DOCK7: variants seen among roughly 807,000 people sequenced by gnomAD.
DOCK7 encodes the protein dedicator of cytokinesis protein 7.
DOCK7 carries 138 observed loss-of-function variants against 271.0 expected under a neutral mutation model. That is an observed-to-expected ratio of 0.51 (90% CI 0.44 to 0.59). The LOEUF is 0.59. Ranked by LOEUF, DOCK7 falls within the 20% of genes least tolerant of loss-of-function variation. The pLI is 0.00. For missense variants in DOCK7, 2,066 were observed against 2,592.4 expected, an observed-to-expected ratio of 0.80 and a Z score of 4.41; for synonymous variants, 823 against 876.1, an observed-to-expected ratio of 0.94 and a Z score of 1.07.
chr1:62,607,948 G>A (rs1651238474), intron 14 of DOCK7: 1 of 152,258 alleles, frequency 6.6e-6, no homozygotes, highest in Non-Finnish European at 1.5e-5. Context: ...TGGGTGTGGT[G>A]GCAGGTGCCT....
At chr1:62,551,500 A>C (rs1645904551) in intron 22 of DOCK7, among the ~76,000 whole-genome samples, 1 of 152,210 alleles carries the variant, frequency 6.6e-6, no homozygotes, top group Admixed American at 6.5e-5. Flanking sequence ...ACCATGACTG[A>C]GGTGGAGTGG....
chr1:62,572,001 T>A (rs1222477296), intron 18 of DOCK7, among the ~76,000 whole-genome samples: 1 of 152,208 alleles, frequency 6.6e-6, no homozygotes, highest in Non-Finnish European at 1.5e-5. Flanking sequence ...CAAATCACCA[T>A]GGCACATGTT....
intron 1 of DOCK7, among the ~76,000 whole-genome samples, chr1:62,672,826 A>G (rs1211603338): frequency 4.6e-5 from 7 of 152,168 alleles, no homozygotes; most frequent in Admixed American, 4.6e-4. Context: ...AAGCTCCTAA[A>G]GCTTTCCATG....
chr1:62,612,959 T>C (rs564462610), intron 14 of DOCK7, among the ~76,000 whole-genome samples: 3 of 152,350 alleles, frequency 2.0e-5, no homozygotes, highest in Non-Finnish European at 4.4e-5. Context: ...TCTGTGGACA[T>C]ACCTCTTAAA....
At chr1:62,604,834 A>C in intron 14 of DOCK7, 1 of 1,608,916 alleles carries the variant, frequency 6.2e-7, no homozygotes, top group Non-Finnish European at 8.5e-7. Context: ...GCAAATTTAA[A>C]AGGCAATAAT....
At chr1:62,601,380 C>T (rs1243053890) in intron 14 of DOCK7, among the ~76,000 whole-genome samples, 1 of 151,480 alleles carries the variant, frequency 6.6e-6, no homozygotes, top group Non-Finnish European at 1.5e-5. Context: ...CAGAGAAATA[C>T]AAATATGGAC....
At chr1:62,641,120 G>C (rs1655968871) in intron 7 of DOCK7, 2 of 286,452 alleles carry the variant, frequency 7.0e-6, no homozygotes, top group Non-Finnish European at 1.4e-5. Context: ...ATTGGACTCA[G>C]ACCAGGAGTC....
intron 48 of DOCK7, among the ~76,000 whole-genome samples, chr1:62,463,698 TGTTAAA>T (rs1053005562): frequency 2.9e-5 from 4 of 137,048 alleles, no homozygotes; most frequent in Non-Finnish European, 4.9e-5. Context: ...TTGTATACAC[TGTTAAA>T]GTTAAAAAAA....
rs1231680048 is a variant in DOCK7 at position 62,586,585 on chromosome 1, G to A, written c.1722C>T (p.Ala574=). The A allele has an allele frequency of 1.2e-6, 2 of 1,612,680 alleles. No individual in the cohort carries two copies. The highest frequency in any genetic ancestry group is 2.2e-5 in the East Asian group (1 of 44,770). ...TATTTCTAGCAGAACCTTGACGATTGGCAAAATTAAGACTCTGAGGGTATA... is the reference window on the plus strand; with the variant it reads ...TATTTCTAGCAGAACCTTGACGATTAGCAAAATTAAGACTCTGAGGGTATA... ...LYIYPQSLNF[A]NRQGSARNIT... is the part of the protein sequence containing the mutation. Residue 574 remains alanine, a synonymous_variant, in exon 15 of 50, where the codon GCC becomes GCT. Transcript: ENST00000635253.
intron 14 of DOCK7, chr1:62,604,994 T>C: frequency 3.2e-6 from 2 of 626,840 alleles, no homozygotes; most frequent in South Asian, 2.3e-5. Context: ...AGAATACCGT[T>C]TACATTTCTC....
chr1:62,625,625 A>G (rs1653851724), intron 11 of DOCK7, among the ~76,000 whole-genome samples: 1 of 152,184 alleles, frequency 6.6e-6, no homozygotes, highest in Non-Finnish European at 1.5e-5. Flanking sequence ...TCTAACATGC[A>G]AAGATCTATG....
At chr1:62,617,884 G>A (rs566445324) in intron 14 of DOCK7, among the ~76,000 whole-genome samples, 40 of 152,066 alleles carry the variant, frequency 2.6e-4, no homozygotes, top group African/African-American at 9.6e-4. Context: ...TGGAAGTAGA[G>A]CCTATGTAAC....
chr1:62,642,077 T>G (rs1230088152), intron 7 of DOCK7, among the ~76,000 whole-genome samples: 2 of 151,814 alleles, frequency 1.3e-5, no homozygotes, highest in East Asian at 3.9e-4. Flanking sequence ...ATATTTGGAT[T>G]CATTTCTAGC....
chr1:62,597,461 C>T, intron 14 of DOCK7: 1 of 1,268,272 alleles, frequency 7.9e-7, no homozygotes, highest in Non-Finnish European at 1.1e-6. Flanking sequence ...ACCTACCAAC[C>T]TTACCTTTTC....
chr1:62,491,709 G>T (rs74076691), intron 41 of DOCK7, among the ~76,000 whole-genome samples: 5,638 of 152,234 alleles, frequency 0.037, 255 homozygotes, highest in African/African-American at 0.11. Flanking sequence ...CTGGAAAAAA[G>T]ATTCTCCATT....
chr1:62,607,065 G>T (rs1651103092), intron 14 of DOCK7, among the ~76,000 whole-genome samples: 1 of 152,104 alleles, frequency 6.6e-6, no homozygotes, highest in Non-Finnish European at 1.5e-5. Context: ...AATTAGCCAG[G>T]CGTGGTGGCA....
intron 48 of DOCK7, among the ~76,000 whole-genome samples, chr1:62,468,893 T>C (rs1456146610): frequency 6.6e-6 from 1 of 151,726 alleles, no homozygotes; most frequent in African/African-American, 2.4e-5. Context: ...CAAGGAAAAC[T>C]ACAAAACATT....
At chr1:62,653,013 T>C (rs1192094745) in intron 4 of DOCK7, among the ~76,000 whole-genome samples, 1 of 152,190 alleles carries the variant, frequency 6.6e-6, no homozygotes, top group Non-Finnish European at 1.5e-5. Context: ...TAGTGCTATT[T>C]TGCATAGATT....
intron 14 of DOCK7, chr1:62,604,893 TA>T: frequency 2.7e-6 from 4 of 1,464,264 alleles, no homozygotes; most frequent in Middle Eastern, 4.1e-4. Context: ...AATCTGGTAT[TA>T]AATCCTTAAG....
Sources: gnomAD v4.1 joint callset for allele counts (sites outside exome capture counted in the v4.1 genomes callset) on GRCh38, gnomAD v4.1.1 for gene constraint, MANE v1.5 for transcripts, NCBI Gene and HGNC (gene_info 2026-07-23, HGNC 2026-07-21) for gene names.